MYO1E: variants seen among roughly 807,000 people sequenced by gnomAD.
MYO1E encodes myosin IE, also known as unconventional myosin-Ie.
In MYO1E, 68 loss-of-function variants were observed where a neutral mutation model predicts 151.1. That is an observed-to-expected ratio of 0.45 (90% confidence interval 0.37 to 0.55). The LOEUF (loss-of-function observed/expected upper bound fraction) is 0.55. Ranked by LOEUF, MYO1E falls within the 20% of genes least tolerant of loss-of-function variation. MYO1E has a pLI of 0.00. For missense variants in MYO1E, 1,363 were observed against 1,389.3 expected (o/e 0.98, Z 0.30); for synonymous variants, 601 against 501.7 (o/e 1.20, Z -2.64).
intron 22 of MYO1E, among the ~76,000 whole-genome samples, chr15:59,167,301 T>C (rs1485106060): frequency 6.6e-6 from 1 of 152,136 alleles, no homozygotes; most frequent in Non-Finnish European, 1.5e-5. Context: ...ACACAACTTT[T>C]GGTCTCATCC....
At chr15:59,349,949 A>C (rs2080814849) in intron 1 of MYO1E, among the ~76,000 whole-genome samples, 1 of 152,206 alleles carries the variant, frequency 6.6e-6, no homozygotes, top group South Asian at 2.1e-4. Flanking sequence ...CGGTAACTCT[A>C]TTATTGCCTC....
intron 4 of MYO1E, among the ~76,000 whole-genome samples, chr15:59,240,528 T>G (rs982760929): frequency 6.6e-6 from 1 of 152,258 alleles, no homozygotes; most frequent in Non-Finnish European, 1.5e-5. Context: ...AGGTTATTCC[T>G]CACTTAAAAG....
chr15:59,177,500 T>A (rs1446763349), intron 19 of MYO1E, among the ~76,000 whole-genome samples: 1 of 152,226 alleles, frequency 6.6e-6, no homozygotes, highest in African/African-American at 2.4e-5. Flanking sequence ...GATGACTGAT[T>A]TCTGCCAAGT....
chr15:59,315,965 G>A (rs1237930215), intron 1 of MYO1E, among the ~76,000 whole-genome samples: 4 of 152,130 alleles, frequency 2.6e-5, no homozygotes, highest in Non-Finnish European at 5.9e-5. Flanking sequence ...GTAACATTTT[G>A]TAGACACTGA....
At chr15:59,258,929 C>G (rs1566994474) in intron 3 of MYO1E, among the ~76,000 whole-genome samples, 1 of 150,658 alleles carries the variant, frequency 6.6e-6, no homozygotes, top group African/African-American at 2.4e-5. Flanking sequence ...TTAGGCTAAA[C>G]TTAATTTAAC....
At chr15:59,251,259 AC>A (rs1393769412) in intron 4 of MYO1E, among the ~76,000 whole-genome samples, 4 of 152,232 alleles carry the variant, frequency 2.6e-5, no homozygotes, top group African/African-American at 9.6e-5. Context: ...ATTAGATATA[AC>A]CTTAAACTTG....
At chr15:59,161,000 T>TG (rs2079534948) in intron 24 of MYO1E, 73 bp downstream of exon 24, 1 of 1,572,342 alleles carries the variant, frequency 6.4e-7, no homozygotes, top group Admixed American at 1.7e-5. Context: ...TCTGTGCACA[T>TG]GTTTGCAGCA....
chr15:59,142,535 T>C (rs2079416551), intron 26 of MYO1E, among the ~76,000 whole-genome samples: 1 of 152,208 alleles, frequency 6.6e-6, no homozygotes, highest in South Asian at 2.1e-4. Context: ...TGCCAGTTGT[T>C]TCCTTTCTAG....
chr15:59,342,001 TCCCTTTTC>T (rs1309977215), intron 1 of MYO1E, among the ~76,000 whole-genome samples: 1 of 152,164 alleles, frequency 6.6e-6, no homozygotes, highest in Non-Finnish European at 1.5e-5. Context: ...GTATGAGAGT[TCCCTTTTC>T]CCCTTTTCTT....
At chr15:59,337,516 A>C (rs2080736593) in intron 1 of MYO1E, among the ~76,000 whole-genome samples, 1 of 152,234 alleles carries the variant, frequency 6.6e-6, no homozygotes, top group African/African-American at 2.4e-5. Flanking sequence ...TTAAAAGAAC[A>C]TTCAGACTAC....
At chr15:59,295,255 A>G (rs890870203) in intron 1 of MYO1E, among the ~76,000 whole-genome samples, 1 of 151,800 alleles carries the variant, frequency 6.6e-6, no homozygotes, top group African/African-American at 2.4e-5. Flanking sequence ...AGAGAGGAGG[A>G]AAAAAAAGGC....
chr15:59,306,891 G>A, intron 1 of MYO1E, among the ~76,000 whole-genome samples: 1 of 152,154 alleles, frequency 6.6e-6, no homozygotes, highest in East Asian at 1.9e-4. Flanking sequence ...TGGCCCTTTG[G>A]GTTATTTTCC....
chr15:59,372,143 G>A (rs2080949659), intron 1 of MYO1E, among the ~76,000 whole-genome samples: 1 of 151,414 alleles, frequency 6.6e-6, no homozygotes, highest in South Asian at 2.1e-4. Flanking sequence ...TCCCCTGCCG[G>A]CTGCGCCCCC....
chr15:59,212,718 A>G (rs2079886825), intron 12 of MYO1E: 1 of 152,180 alleles, frequency 6.6e-6, no homozygotes, highest in African/African-American at 2.4e-5. Context: ...GTATTGTGAA[A>G]AGTTTTCAAT....
chr15:59,141,075 A>G (rs2079406200), intron 26 of MYO1E, among the ~76,000 whole-genome samples: 1 of 152,152 alleles, frequency 6.6e-6, no homozygotes, highest in South Asian at 2.1e-4. Flanking sequence ...ATGTGTCAGC[A>G]TTTGGTTAAT....
At chr15:59,312,896 C>T (rs1055779797) in intron 1 of MYO1E, among the ~76,000 whole-genome samples, 3 of 151,906 alleles carry the variant, frequency 2.0e-5, no homozygotes, top group Admixed American at 1.3e-4. Context: ...AAAAATTAGC[C>T]GGGCATGGTG....
chr15:59,184,167 T>C (rs903295851), intron 18 of MYO1E, among the ~76,000 whole-genome samples: 7 of 152,174 alleles, frequency 4.6e-5, no homozygotes, highest in African/African-American at 1.7e-4. Flanking sequence ...CCACCACACC[T>C]GGCTAATTTT....
intron 1 of MYO1E, among the ~76,000 whole-genome samples, chr15:59,336,778 T>C (rs1232346869): frequency 6.7e-6 from 1 of 148,714 alleles, no homozygotes; most frequent in Non-Finnish European, 1.5e-5. Flanking sequence ...CAGTGTGTGA[T>C]GTTCCCCTCC....
chr15:59,297,210 C>G (rs1325433555), intron 1 of MYO1E, among the ~76,000 whole-genome samples: 1 of 151,564 alleles, frequency 6.6e-6, no homozygotes, highest in Non-Finnish European at 1.5e-5. Flanking sequence ...ATTTTATTAT[C>G]CCAATCATGT....
Sources: allele counts gnomAD v4.1 joint callset (sites outside exome capture counted in the v4.1 genomes callset), GRCh38; gene constraint gnomAD v4.1.1; transcripts MANE v1.5; gene names NCBI Gene and HGNC (gene_info 2026-07-23, HGNC 2026-07-21).